PHF13: variants seen among roughly 807,000 people sequenced by gnomAD.
The protein encoded by PHF13 is PHD zinc finger protein PHF5.
Under a neutral mutation model 25.8 loss-of-function variants are expected in PHF13, and 1 was observed. That is an observed-to-expected ratio of 0.04 (90% CI 0.01 to 0.18). PHF13 has a LOEUF of 0.18. PHF13 is among the 10% of genes least tolerant of loss of function. The pLI is 1.00. For synonymous variants in PHF13, 195 were observed against 162.4 expected (o/e 1.20, Z -1.53); for missense variants, 306 against 403.2 (o/e 0.76, Z 2.06).
intron 1 of PHF13, chr1:6,614,617 CG>C (rs1253338238): frequency 6.6e-6 from 1 of 151,396 alleles, no homozygotes; most frequent in African/African-American, 2.4e-5. Context: ...TGACTCCGCG[CG>C]GGGCCCAGTC....
At position 6,621,721 on chromosome 1, in the gene PHF13, C is replaced by G. The variant is rs1641342958; in HGVS notation, c.*84C>G. ...CCCTTCTCTTAGTTGAGCACAGAAC[C>G]CTCAGCTCTGGTGCGGGCAGATCCC... On this transcript the variant is annotated 3_prime_UTR_variant, in exon 4 of 4. Transcript: ENST00000377648. The surrounding 1 kb of genome is among the most constrained non-coding windows in gnomAD (Gnocchi z 4.8). 2 of 1,368,802 alleles carry G rather than the reference C, an allele frequency of 1.5e-6. No individual in the cohort carries two copies. Among genetic ancestry groups the G allele is most frequent in the Admixed American group, 1.8e-5 (1 of 54,576 alleles). 84.8% of individuals were successfully genotyped at this position (1,368,802 alleles called of 1,614,324 possible). A position where few individuals can be genotyped will look rare whatever the true frequency, so the allele number is the denominator to read the frequency against.
chr1:6,614,760 C>G (rs1029336430), intron 1 of PHF13, among the ~76,000 whole-genome samples: 2 of 151,380 alleles, frequency 1.3e-5, no homozygotes, highest in Non-Finnish European at 3.0e-5. Flanking sequence ...GCCCCCCGCC[C>G]GCGGGCTTTG....
At chr1:6,616,660 A>ATT (rs1641265614) in intron 1 of PHF13, 97 bp from the exon 2 acceptor site, 5 of 990,104 alleles carry the variant, frequency 5.0e-6, no homozygotes, top group Non-Finnish European at 8.1e-6. Context: ...TTTTTGAGTG[A>ATT]TTGACTACAA....
intron 2 of PHF13, 99 bp downstream of exon 2, chr1:6,616,957 G>A (rs915250459): frequency 7.2e-6 from 7 of 977,474 alleles, no homozygotes; most frequent in Non-Finnish European, 8.1e-6. Context: ...GGGTCAGTAG[G>A]TTTGGAAGGG....
chr1:6,618,006 A>G (rs1283138824), intron 2 of PHF13, among the ~76,000 whole-genome samples: 5 of 152,212 alleles, frequency 3.3e-5, no homozygotes, highest in African/African-American at 1.2e-4. Flanking sequence ...TCAGGGACTC[A>G]TGGCTGCAAC....
rs879558661 is a variant in PHF13, at chr1:6,613,776, A to C, written c.-291A>C. ...AGCCGAACTGGGCGTCAGGTCGGGG[A>C]GCCGGTCGGGTTCCCGCTCACCGCC... On this transcript the variant is annotated 5_prime_UTR_variant, in exon 1 of 4. Transcript: ENST00000377648. 129 of 177,290 alleles carry C rather than the reference A, an allele frequency of 7.3e-4. No homozygotes were observed. Among genetic ancestry groups the C allele is most frequent in the Admixed American group, 2.9e-3 (40 of 13,612 alleles). 11.0% of individuals were successfully genotyped at this position (177,290 alleles called of 1,614,324 possible). A position where few individuals can be genotyped will look rare whatever the true frequency, so the allele number is the denominator to read the frequency against.
At chr1:6,616,455 C>CT (rs1258691576) in intron 1 of PHF13, among the ~76,000 whole-genome samples, 2 of 152,316 alleles carry the variant, frequency 1.3e-5, no homozygotes, top group South Asian at 2.1e-4. Flanking sequence ...CCTGTGGAAA[C>CT]TAATAGATAA....
rs1454107080 is a variant in PHF13 at position 6,621,646 on chromosome 1, T to C, written c.*9T>C. ...AGCTGTTCCTGGACTGACTGCTGGCTGGCGAGGAGGCTGCGAGCGTGGAAT... is the reference window on the plus strand; with the variant it reads ...AGCTGTTCCTGGACTGACTGCTGGCCGGCGAGGAGGCTGCGAGCGTGGAAT... On this transcript the variant is annotated 3_prime_UTR_variant, in exon 4 of 4. Coordinates refer to ENST00000377648, the MANE Select transcript of PHF13 (RefSeq NM_153812.3). The surrounding 1 kb of genome is among the most constrained non-coding windows in gnomAD (Gnocchi z 4.8). 1.2e-6 allele frequency: 2 copies of C among 1,613,306 alleles called. No homozygotes were observed. Among genetic ancestry groups the C allele is most frequent in the African/African-American group, 2.7e-5 (2 of 74,922 alleles).
Position 6,621,339 on chromosome 1 carries a change from C to T in PHF13, c.677-72C>T, listed in dbSNP as rs1641336736. 7.3e-6 allele frequency: 11 copies of T among 1,508,428 alleles called. No homozygotes were observed. Among genetic ancestry groups the T allele is most frequent in the East Asian group, 2.3e-5 (1 of 43,618 alleles). The allele number at this position is 1,508,428 out of a possible 1,614,324, so 93.4% of individuals were successfully genotyped here. ...TCTCGTCAGTAGAGTTAATGGGTTTCATGGAAGCCCAGCTGATGGCGAGGA... is the reference window on the plus strand; with the variant it reads ...TCTCGTCAGTAGAGTTAATGGGTTTTATGGAAGCCCAGCTGATGGCGAGGA... On this transcript the variant is annotated intron_variant, in intron 3 of 3. Coordinates refer to ENST00000377648, the MANE Select transcript of PHF13 (RefSeq NM_153812.3). The surrounding 1 kb of genome is among the most constrained non-coding windows in gnomAD (Gnocchi z 4.8).
chr1:6,621,295 G>A lies in PHF13; in HGVS notation c.677-116G>A. On this transcript the variant is annotated intron_variant, in intron 3 of 3. Coordinates refer to ENST00000377648, the MANE Select transcript of PHF13 (RefSeq NM_153812.3). The surrounding 1 kb of genome is among the most constrained non-coding windows in gnomAD (Gnocchi z 4.8). The stretch of plus-strand genomic sequence containing the variant: ...CTTTTCAGAGAGAAGTGTCAGCTTC[G>A]AGTGGCAGTTGGAAGTGTTCTCGTC... The A allele has an allele frequency of 9.4e-6, 10 of 1,067,240 alleles. No homozygotes were observed. Among genetic ancestry groups the A allele is most frequent in the Non-Finnish European group, 1.3e-5 (9 of 718,414 alleles). The allele number at this position is 1,067,240 out of a possible 1,614,324, so 66.1% of individuals were successfully genotyped here.
In PHF13 at chr1:6,621,418, T is replaced by C; in HGVS notation, c.684T>C (p.Asp228=). Residue 228 remains aspartate, a synonymous_variant, in exon 4 of 4, where the codon GAT becomes GAC. Transcript: ENST00000377648. This position sits in a 1 kb window ranked among gnomAD's most constrained non-coding sequence, Gnocchi z 4.8. ...GAGTATCTTTCCTTCCAGATGACGA[T>C]TCCTGGGACCTCGTGACCTGCTTCT... ...DEDIMVDSDD[D]SWDLVTCFCM... 6.2e-7 allele frequency: 1 copy of C among 1,614,124 alleles called. No individual in the cohort carries two copies. The highest frequency in any genetic ancestry group is 2.2e-5 in the East Asian group (1 of 44,878).
chr1:6,621,376 T>G lies in PHF13; in HGVS notation c.677-35T>G, dbSNP rs1217401638. 2 of 1,605,104 alleles carry G rather than the reference T, an allele frequency of 1.2e-6. No individual in the cohort carries two copies. ...GCTGATGGCGAGGAATGATGGGAAT[T>G]TCTCTTCCCTCCTTGAGAGTATCTT... On this transcript the variant is annotated intron_variant, in intron 3 of 3. Transcript: ENST00000377648. This position sits in a 1 kb window ranked among gnomAD's most constrained non-coding sequence, Gnocchi z 4.8.
At position 6,613,838 on chromosome 1, in the gene PHF13, A is replaced by C; in HGVS notation, c.-229A>C. On this transcript the variant is annotated 5_prime_UTR_variant, in exon 1 of 4. Transcript: ENST00000377648. The stretch of plus-strand genomic sequence containing the variant: ...CCCCTGCAGCCACTCTCCCGCCTCT[A>C]CCGCCGCGGGAGCTGCATCGTCCAC... The C allele has an allele frequency of 9.1e-6, 3 of 330,128 alleles. No homozygotes were observed. The highest frequency in any genetic ancestry group is 1.6e-5 in the Non-Finnish European group (3 of 182,140). 20.4% of individuals were successfully genotyped at this position (330,128 alleles called of 1,614,324 possible).
chr1:6,616,731 C>T (rs757351611), intron 1 of PHF13, 26 bp from the exon 2 acceptor site: 1 of 1,590,348 alleles, frequency 6.3e-7, no homozygotes, highest in Non-Finnish European at 8.6e-7. Context: ...CCTTCAAACA[C>T]ATTCCCTTTT....
intron 1 of PHF13, 85 bp downstream of exon 1, chr1:6,614,190 C>T: frequency 3.1e-6 from 4 of 1,297,228 alleles, no homozygotes; most frequent in South Asian, 2.5e-5. Flanking sequence ...CCCGGTCGCC[C>T]GGAGCGCCGC....
intron 2 of PHF13, among the ~76,000 whole-genome samples, chr1:6,617,558 C>G (rs966034977): frequency 6.6e-6 from 1 of 151,902 alleles, no homozygotes; most frequent in African/African-American, 2.4e-5. Context: ...CTGTCTCAGC[C>G]TCATGAGTAG....
At chr1:6,614,955 C>T (rs1325888796) in intron 1 of PHF13, among the ~76,000 whole-genome samples, 5 of 151,422 alleles carry the variant, frequency 3.3e-5, no homozygotes, top group Non-Finnish European at 7.4e-5. Flanking sequence ...CTGCCGCCCC[C>T]GGGGGTTCGC....
At chr1:6,619,633 C>G (rs1361416209) in intron 2 of PHF13, among the ~76,000 whole-genome samples, 170 bp from the exon 3 acceptor site, 1 of 152,196 alleles carries the variant, frequency 6.6e-6, no homozygotes. Flanking sequence ...GCCACCACGC[C>G]CAGCCAGAAC....
chr1:6,621,615 C>T lies in PHF13; in HGVS notation c.881C>T (p.Ser294Phe), dbSNP rs1641341505. 4.3e-6 allele frequency: 7 copies of T among 1,614,168 alleles called. No homozygotes were observed. The highest frequency in any genetic ancestry group is 5.9e-6 in the Non-Finnish European group (7 of 1,180,034). The change falls in exon 4 of 4, where the codon TCC (serine) becomes TTC (phenylalanine). Residue 294 changes from serine (S) to phenylalanine (F), a missense_variant. By Grantham distance (155) the Ser-to-Phe change is radical. This residue lies in a region of PHF13 where 40 missense variants were observed against 71.6 expected (regional missense o/e 0.56). Coordinates refer to ENST00000377648, the MANE Select transcript of PHF13 (RefSeq NM_153812.3). The surrounding 1 kb of genome is among the most constrained non-coding windows in gnomAD (Gnocchi z 4.8). ...CGTTCCAACCGCTCGCGGACGGGCT[C>T]CCGGAAGCTGTTCCTGGACTGACTG... ...IRRSNRSRTG[S>F]RKLFLD is the part of the protein sequence containing the mutation.
Sources: gnomAD v4.1 joint callset for allele counts (sites outside exome capture counted in the v4.1 genomes callset) on GRCh38, gnomAD v4.1.1 for gene constraint, gnomAD v4.1.1 regional missense constraint, Gnocchi (gnomAD v3.1) non-coding constraint, MANE v1.5 for transcripts, NCBI Gene and HGNC (gene_info 2026-07-23, HGNC 2026-07-21) for gene names.